NLGN1: variants seen among roughly 807,000 people sequenced by gnomAD.
NLGN1 encodes the protein neuroligin-1.
NLGN1 carries 12 observed loss-of-function variants against 65.5 expected under a neutral mutation model. The ratio of observed to expected loss-of-function variants is 0.18; its 90% confidence interval spans 0.12 to 0.30. The LOEUF is 0.30. Ranked by LOEUF, NLGN1 falls within the 10% of genes least tolerant of loss-of-function variation. The probability of loss-of-function intolerance (pLI) is 1.00; values close to 1 mark genes in which losing one functional copy is unlikely to be tolerated. For missense variants in NLGN1, 750 were observed against 1,007.1 expected (o/e 0.74, Z 3.46); for synonymous variants, 350 against 359.5 (o/e 0.97, Z 0.30).
At chr3:173,837,522 C>A (rs1723875962) in intron 4 of NLGN1, among the ~76,000 whole-genome samples, 2 of 152,052 alleles carry the variant, frequency 1.3e-5, no homozygotes, top group Admixed American at 6.6e-5. Context: ...TAATGATATT[C>A]ATTAATGTAC....
intron 3 of NLGN1, among the ~76,000 whole-genome samples, chr3:173,804,060 C>T (rs1308704852): frequency 6.6e-6 from 1 of 152,094 alleles, no homozygotes; most frequent in Non-Finnish European, 1.5e-5. Context: ...ATTAACTGCT[C>T]TAGATCTATT....
chr3:174,270,122 T>TTTA, intron 4 of NLGN1, among the ~76,000 whole-genome samples: 1 of 96,402 alleles, frequency 1.0e-5, no homozygotes, highest in Admixed American at 1.0e-4. Context: ...GTTGGTTTCC[T>TTTA]TTCTTTTTTT....
At chr3:173,452,025 G>A (rs1407330228) in intron 2 of NLGN1, among the ~76,000 whole-genome samples, 1 of 152,158 alleles carries the variant, frequency 6.6e-6, no homozygotes, top group South Asian at 2.1e-4. Flanking sequence ...GCGATGCCTC[G>A]CCCTGCTTCG....
intron 4 of NLGN1, among the ~76,000 whole-genome samples, chr3:174,056,615 G>A (rs1736154828): frequency 6.6e-6 from 1 of 151,846 alleles, no homozygotes; most frequent in African/African-American, 2.4e-5. Flanking sequence ...TACATAATGG[G>A]ATTTTTATAG....
intron 3 of NLGN1, among the ~76,000 whole-genome samples, chr3:173,786,430 A>G (rs1027049525): frequency 6.6e-6 from 1 of 152,170 alleles, no homozygotes; most frequent in Non-Finnish European, 1.5e-5. Flanking sequence ...TAAGCTGCCA[A>G]CAGAAACAAA....
At chr3:173,929,989 C>T (rs1743787133) in intron 4 of NLGN1, among the ~76,000 whole-genome samples, 1 of 152,164 alleles carries the variant, frequency 6.6e-6, no homozygotes, top group South Asian at 2.1e-4. Flanking sequence ...TAGGCATAAG[C>T]CACCACGCCT....
chr3:174,135,004 A>C (rs907608029), intron 4 of NLGN1, among the ~76,000 whole-genome samples: 23 of 152,062 alleles, frequency 1.5e-4, no homozygotes, highest in Non-Finnish European at 2.8e-4. Flanking sequence ...ATAGAAAAAA[A>C]CCCCGCAATT....
At chr3:173,575,423 T>C (rs1745357915) in intron 2 of NLGN1, among the ~76,000 whole-genome samples, 1 of 152,192 alleles carries the variant, frequency 6.6e-6, no homozygotes, top group African/African-American at 2.4e-5. Flanking sequence ...TTTGGTATTC[T>C]AAATTAGGTA....
At chr3:174,267,544 G>A (rs1332607283) in intron 4 of NLGN1, among the ~76,000 whole-genome samples, 1 of 152,056 alleles carries the variant, frequency 6.6e-6, no homozygotes, top group Non-Finnish European at 1.5e-5. Context: ...CTGTATTCTA[G>A]ACCAGTATTC....
Position 174,275,172 on chromosome 3 carries a change from T to TTTTG in NLGN1, c.647-140_647-137dup, listed in dbSNP as rs1259084327. On this transcript the variant is annotated intron_variant, in intron 4 of 6. Coordinates refer to ENST00000457714, the Ensembl canonical transcript of NLGN1. ...TAACTATTCTTGCTAAAGTAAATTC[T>TTTTG]TTTGTTATAGTGGAAAATAATTTTT... is the stretch of plus-strand genomic sequence containing the variant. 1.4e-5 allele frequency: 9 copies of TTTTG among 628,536 alleles called. No individual in the cohort carries two copies. In the East Asian group the frequency reaches 1.6e-4, roughly 11 times the overall value. The allele number at this position is 628,536 out of a possible 1,614,324, so 38.9% of individuals were successfully genotyped here.
intron 2 of NLGN1, among the ~76,000 whole-genome samples, chr3:173,565,932 G>A (rs1743584770): frequency 6.6e-6 from 1 of 152,168 alleles, no homozygotes; most frequent in South Asian, 2.1e-4. Flanking sequence ...TGAAAATTCA[G>A]AGGATTGAAC....
intron 4 of NLGN1, among the ~76,000 whole-genome samples, chr3:174,165,920 G>A (rs767583676): frequency 1.4e-4 from 21 of 151,898 alleles, no homozygotes; most frequent in African/African-American, 4.8e-4. Context: ...TGATTCAATC[G>A]TGGGAGATGG....
chr3:173,684,307 T>C (rs556149433), intron 3 of NLGN1, among the ~76,000 whole-genome samples: 1 of 152,314 alleles, frequency 6.6e-6, no homozygotes, highest in East Asian at 1.9e-4. Context: ...CAGCAGCATG[T>C]GTTTTAAACA....
chr3:173,998,301 A>G (rs1419685357), intron 4 of NLGN1, among the ~76,000 whole-genome samples: 14 of 152,132 alleles, frequency 9.2e-5, no homozygotes. Context: ...TCCTACTTCA[A>G]GGGAAGCTTT....
chr3:173,620,832 A>G (rs770247116), intron 3 of NLGN1, among the ~76,000 whole-genome samples: 6 of 152,174 alleles, frequency 3.9e-5, no homozygotes, highest in South Asian at 2.1e-4. Flanking sequence ...AAAAACATGC[A>G]GAGACAGGAA....
At chr3:173,879,834 G>A (rs569668917) in intron 4 of NLGN1, among the ~76,000 whole-genome samples, 1 of 152,246 alleles carries the variant, frequency 6.6e-6, no homozygotes, top group African/African-American at 2.4e-5. Flanking sequence ...CTTTGAGACA[G>A]TTGTTCCAAT....
intron 4 of NLGN1, among the ~76,000 whole-genome samples, chr3:173,956,859 C>T (rs1293913641): frequency 1.3e-5 from 2 of 152,154 alleles, no homozygotes; most frequent in African/African-American, 4.8e-5. Context: ...AAACAGCTCA[C>T]AGACTTCTAT....
chr3:173,498,787 C>G (rs985459489), intron 2 of NLGN1, among the ~76,000 whole-genome samples: 2 of 151,888 alleles, frequency 1.3e-5, no homozygotes. Context: ...TTTTGATTTT[C>G]ATTTCTCTGA....
intron 3 of NLGN1, among the ~76,000 whole-genome samples, chr3:173,716,743 A>G (rs925104631): frequency 2.6e-5 from 4 of 152,150 alleles, no homozygotes; most frequent in African/African-American, 4.8e-5. Context: ...AGAAAGCTGC[A>G]TAATGTAGCT....
Sources: gnomAD v4.1 joint callset for allele counts (sites outside exome capture counted in the v4.1 genomes callset) on GRCh38, gnomAD v4.1.1 for gene constraint, MANE v1.5 for transcripts, NCBI Gene and HGNC (gene_info 2026-07-23, HGNC 2026-07-21) for gene names.